Variants in SLC15A2 observed in about 807,000 individuals in gnomAD.
The protein encoded by SLC15A2 is solute carrier family 15 member 2.
In SLC15A2, 77 loss-of-function variants were observed where a neutral mutation model predicts 95.5. The ratio of observed to expected loss-of-function variants is 0.81; its 90% CI spans 0.67 to 0.97. The LOEUF is 0.97. Among genes scored for constraint, SLC15A2 ranks in the 50% least tolerant of loss-of-function variants. The pLI is 0.00. For missense variants in SLC15A2, 893 were observed against 874.4 expected, an observed-to-expected ratio of 1.02 and a Z score of -0.27; for synonymous variants, 306 against 306.9, an observed-to-expected ratio of 1.00 and a Z score of 0.03.
intron 3 of SLC15A2, among the ~76,000 whole-genome samples, chr3:121,897,926 C>T (rs1709450060): frequency 6.6e-6 from 1 of 152,142 alleles, no homozygotes. Context: ...CTTTGGGAGG[C>T]CGAGGCGGGC....
At chr3:121,907,374 C>T (rs568852981) in intron 3 of SLC15A2, among the ~76,000 whole-genome samples, 2 of 152,344 alleles carry the variant, frequency 1.3e-5, no homozygotes, top group Admixed American at 6.5e-5. Context: ...AGTCATTCTC[C>T]GTCCAGCTTT....
Position 121,924,942 on chromosome 3 carries a change from C to G in SLC15A2, c.1036-3C>G, listed in dbSNP as rs774115153. On this transcript the variant is annotated splice_region_variant and splice_polypyrimidine_tract_variant and intron_variant, in intron 12 of 21. Coordinates refer to ENST00000489711, the MANE Select transcript of SLC15A2 (RefSeq NM_021082.4). ...GCTAATCCTTTTTATCATGGTGTTA[C>G]AGGTTCTAAATCCCCTTCTGGTTCT... The G allele has an allele frequency of 1.3e-6, 2 of 1,596,322 alleles. No individual in the cohort carries two copies. The highest frequency in any genetic ancestry group is 1.7e-6 in the Non-Finnish European group (2 of 1,163,712).
At chr3:121,926,825 T>C (rs550610562) in intron 13 of SLC15A2, among the ~76,000 whole-genome samples, 2 of 152,374 alleles carry the variant, frequency 1.3e-5, no homozygotes, top group East Asian at 3.9e-4. Flanking sequence ...GGCTGAACTC[T>C]GCAAAGCCAC....
At chr3:121,924,907 A>T (rs770970869) in intron 12 of SLC15A2, 38 bp from the exon 13 acceptor site, 41 of 1,412,026 alleles carry the variant, frequency 2.9e-5, no homozygotes, top group Non-Finnish European at 3.9e-5. Flanking sequence ...ATGATAGGAG[A>T]ATATTTGTAG....
intron 19 of SLC15A2, among the ~76,000 whole-genome samples, chr3:121,938,218 G>A (rs1195567244): frequency 6.6e-6 from 1 of 152,146 alleles, no homozygotes; most frequent in African/African-American, 2.4e-5. Context: ...CTGTCTTTTT[G>A]TTTGTCTGTG....
In SLC15A2 at chr3:121,924,359, T is replaced by G. The variant is rs759989683; in HGVS notation, c.1011T>G (p.Phe337Leu). 11 of 1,613,656 alleles carry G rather than the reference T, an allele frequency of 6.8e-6. No homozygotes were observed. The highest frequency in any genetic ancestry group is 1.7e-5 in the Admixed American group (1 of 59,988). Residue 337 changes from phenylalanine (F) to leucine (L), a missense_variant, in exon 12 of 22, where the codon TTT (phenylalanine) becomes TTG (leucine). Transcript: ENST00000489711. ...AIRMNRNLGF[F>L]VLQPDQMQVL... is the part of the protein sequence containing the mutation. Reference sequence around the variant, plus strand: ...TTGTTAAAATGTTTCAGGGGTTTTTTGTGCTTCAGCCGGACCAGATGCAGG... The same window carrying G: ...TTGTTAAAATGTTTCAGGGGTTTTTGGTGCTTCAGCCGGACCAGATGCAGG...
intron 19 of SLC15A2, among the ~76,000 whole-genome samples, chr3:121,937,005 A>G (rs899161944): frequency 2.0e-5 from 3 of 151,690 alleles, no homozygotes; most frequent in Admixed American, 6.6e-5. Flanking sequence ...AAAGGATGTT[A>G]TTTCTCCTTC....
rs1173945938 is a variant in SLC15A2, at chr3:121,937,498, G to A, written c.1762-1851G>A. Among the ~76,000 whole-genome samples, 43 of 146,004 alleles carry A rather than the reference G, an allele frequency of 2.9e-4. 1 individual carries two copies. The highest frequency in any genetic ancestry group is 6.8e-4 in the South Asian group (3 of 4,412). On this transcript the variant is annotated intron_variant, in intron 19 of 21. Transcript: ENST00000489711. ...CTTTTTTCTCTAAACTTCCCTTCTC[G>A]CTTCATTTCATTCATTTCATCTTCC...
chr3:121,921,361 A>G (rs1710001650), intron 7 of SLC15A2, among the ~76,000 whole-genome samples: 1 of 152,244 alleles, frequency 6.6e-6, no homozygotes, highest in Admixed American at 6.5e-5. Context: ...GAGATGCATT[A>G]TAAGGATTAA....
At chr3:121,897,285 A>G in intron 2 of SLC15A2, 103 bp from the exon 3 acceptor site, 1 of 1,444,672 alleles carries the variant, frequency 6.9e-7, no homozygotes, top group Non-Finnish European at 9.4e-7. Flanking sequence ...GAAGGCCAAA[A>G]TCACATTATA....
At position 121,940,377 on chromosome 3, in the gene SLC15A2, TC is replaced by T; in HGVS notation, c.1909-3del. ...TTTGTTTACTTTCAAACTTGTGTCA[TC>T]CCCAGGCTCCCTCTAGCATGAAATC... On this transcript the variant is annotated splice_region_variant and splice_polypyrimidine_tract_variant and intron_variant, in intron 20 of 21. Transcript: ENST00000489711. 1 of 1,611,790 alleles carries T rather than the reference TC, an allele frequency of 6.2e-7. No homozygotes were observed.
At chr3:121,933,543 GGCT>G (rs1710275457) in intron 19 of SLC15A2, among the ~76,000 whole-genome samples, 1 of 151,692 alleles carries the variant, frequency 6.6e-6, no homozygotes, top group Non-Finnish European at 1.5e-5. Flanking sequence ...CGTGTTTTTT[GGCT>G]GCATAAATGT....
chr3:121,897,243 C>A, intron 2 of SLC15A2, 145 bp from the exon 3 acceptor site: 1 of 857,838 alleles, frequency 1.2e-6, no homozygotes, highest in South Asian at 1.7e-5. Flanking sequence ...GCCTGGCAGT[C>A]ACTTCTCAGT....
At chr3:121,912,369 G>T (rs1709784405) in intron 4 of SLC15A2, among the ~76,000 whole-genome samples, 1 of 152,072 alleles carries the variant, frequency 6.6e-6, no homozygotes, top group Non-Finnish European at 1.5e-5. Flanking sequence ...GAGTCGCTGG[G>T]ATTACAGGCG....
At chr3:121,906,269 T>G (rs2951471) in intron 3 of SLC15A2, among the ~76,000 whole-genome samples, 67,996 of 151,978 alleles carry the variant, frequency 0.45, 15,737 homozygotes, top group East Asian at 0.69. Context: ...CATGAGATGG[T>G]TCTCGTGAAT....
intron 2 of SLC15A2, among the ~76,000 whole-genome samples, chr3:121,896,926 G>T (rs1395682693): frequency 6.7e-6 from 1 of 148,392 alleles, no homozygotes; most frequent in African/African-American, 2.5e-5. Context: ...AAAAGGGGGG[G>T]GAGGGAAAGC....
At chr3:121,912,943 C>T in intron 4 of SLC15A2, 78 bp from the exon 5 acceptor site, 1 of 963,962 alleles carries the variant, frequency 1.0e-6, no homozygotes, top group Non-Finnish European at 1.6e-6. Flanking sequence ...ACATTTTTTC[C>T]CCTCTGCAGC....
intron 3 of SLC15A2, among the ~76,000 whole-genome samples, chr3:121,901,295 G>A (rs369205299): frequency 6.6e-6 from 1 of 152,168 alleles, no homozygotes; most frequent in African/African-American, 2.4e-5. Flanking sequence ...GGGATTACAA[G>A]TGTGAGCCAC....
rs189436025 is a variant in SLC15A2 at position 121,932,067 on chromosome 3, C to A, written c.1761+332C>A. ...AGGCACCCACCACCACCATGCCCAGCTAATTTTTGTATTTTTAGTAGAGAT... is the reference window on the plus strand; with the variant it reads ...AGGCACCCACCACCACCATGCCCAGATAATTTTTGTATTTTTAGTAGAGAT... On this transcript the variant is annotated intron_variant, in intron 19 of 21. Transcript: ENST00000489711. 3.0e-4 allele frequency among the ~76,000 whole-genome samples: 45 copies of A among 152,194 alleles called. 1 individual carries two copies. In the South Asian group the frequency reaches 9.1e-3, roughly 31 times the overall value.
Sources: allele counts gnomAD v4.1 joint callset (sites outside exome capture counted in the v4.1 genomes callset), GRCh38; gene constraint gnomAD v4.1.1; transcripts MANE v1.5; gene names NCBI Gene and HGNC (gene_info 2026-07-23, HGNC 2026-07-21).